KIF7: variants seen among roughly 807,000 people sequenced by gnomAD.
The protein encoded by KIF7 is kinesin-like protein KIF7.
In KIF7, 104 loss-of-function variants were observed where a neutral mutation model predicts 135.7. The observed-to-expected ratio is 0.77, with a 90% CI of 0.65 to 0.90. KIF7 has a LOEUF of 0.90. Among genes scored for constraint, KIF7 ranks in the 40% least tolerant of loss-of-function variants. The pLI, the probability that KIF7 is intolerant of heterozygous loss-of-function variation, is 0.00. For missense variants in KIF7, 2,005 were observed against 1,839.1 expected, an observed-to-expected ratio of 1.09 and a Z score of -1.65; for synonymous variants, 883 against 809.4, an observed-to-expected ratio of 1.09 and a Z score of -1.54.
intron 1 of KIF7, among the ~76,000 whole-genome samples, chr15:89,618,645 G>C (rs1178279645): frequency 6.6e-6 from 1 of 152,216 alleles, no homozygotes; most frequent in Non-Finnish European, 1.5e-5. Flanking sequence ...GCACATAGCA[G>C]GTGATCAGTA....
intron 1 of KIF7, among the ~76,000 whole-genome samples, chr15:89,621,856 C>T (rs184986588): frequency 6.6e-6 from 1 of 152,220 alleles, no homozygotes; most frequent in Admixed American, 6.5e-5. Context: ...GTGTGACACT[C>T]ATCTTTTCCG....
At chr15:89,625,901 G>A (rs1470780773), downstream of KIF7, 1 of 1,545,550 alleles carries the variant, frequency 6.5e-7, no homozygotes, top group African/African-American at 1.4e-5. Context: ...TTGGGGGTCT[G>A]GGGACGCTGC....
upstream of KIF7, among the ~76,000 whole-genome samples, chr15:89,655,751 C>T (rs1483042670): frequency 6.6e-6 from 1 of 152,246 alleles, no homozygotes; most frequent in Non-Finnish European, 1.5e-5. Flanking sequence ...CACTCCCAGT[C>T]CCAAACCACG....
At chr15:89,642,078 C>T in intron 11 of KIF7, 125 bp downstream of exon 11, 2 of 1,003,698 alleles carry the variant, frequency 2.0e-6, no homozygotes. Flanking sequence ...CCTGCAGGGC[C>T]AGGGCTGGAG....
intron 3 of KIF7, 109 bp downstream of exon 3, chr15:89,649,632 G>C: frequency 3.2e-6 from 4 of 1,263,634 alleles, no homozygotes; most frequent in Non-Finnish European, 4.4e-6. Flanking sequence ...CCCAGGGCTT[G>C]GGTTTTCCAT....
At chr15:89,622,044 T>C (rs796606226) in intron 1 of KIF7, among the ~76,000 whole-genome samples, 71 of 141,976 alleles carry the variant, frequency 5.0e-4, no homozygotes, top group African/African-American at 1.8e-3. Context: ...TGGAGTGCAG[T>C]GGCACGATCT....
chr15:89,625,774 G>A (rs758214359), downstream of KIF7: 8 of 1,602,520 alleles, frequency 5.0e-6, no homozygotes, highest in South Asian at 7.7e-5. Flanking sequence ...AGACGAAGAG[G>A]TGTTTGTTTC....
At chr15:89,634,735 C>T (rs972214134) in intron 11 of KIF7, among the ~76,000 whole-genome samples, 4 of 152,232 alleles carry the variant, frequency 2.6e-5, no homozygotes, top group African/African-American at 9.6e-5. Flanking sequence ...TGCAAGGTGG[C>T]AGCGAGGCTG....
intron 2 of KIF7, chr15:89,618,003 A>G (rs1298797649): frequency 8.6e-6 from 7 of 810,864 alleles, no homozygotes; most frequent in African/African-American, 1.7e-5. Context: ...CCCTCTTGAC[A>G]ATAATCACGT....
At chr15:89,633,938 A>G (rs1202949083) in intron 11 of KIF7, 55 bp from the exon 12 acceptor site, 10 of 1,592,358 alleles carry the variant, frequency 6.3e-6, no homozygotes, top group Middle Eastern at 1.7e-4. Flanking sequence ...CGAGCCTGCC[A>G]TAGTGCTGGG....
Position 89,642,298 on chromosome 15 carries a change from G to A in KIF7, c.2299C>T (p.Arg767Trp), listed in dbSNP as rs201091656. ...AELSEGQRQL[R>W]ELEGKELQDA... Reference sequence around the variant, plus strand: ...TGGAGCTCCTTGCCCTCGAGCTCCCGCAGCTGCCTCTGGCCTTCACTCAGC... The same window carrying A: ...TGGAGCTCCTTGCCCTCGAGCTCCCACAGCTGCCTCTGGCCTTCACTCAGC... The change falls in exon 11 of 19, where the codon CGG becomes TGG. Residue 767 changes from arginine (R) to tryptophan (W), a missense_variant. By Grantham distance (101) the Arg-to-Trp change is moderately radical. Transcript: ENST00000394412. The A allele has an allele frequency of 8.7e-6, 14 of 1,609,920 alleles. No individual in the cohort carries two copies. The East Asian group carries it at 1.6e-4, about 18-fold the overall frequency.
chr15:89,633,792 T>G lies in KIF7; in HGVS notation c.2486A>C (p.Gln829Pro), dbSNP rs768110060. 6.1e-5 allele frequency: 99 copies of G among 1,612,180 alleles called. No individual in the cohort carries two copies. The highest frequency in any genetic ancestry group is 8.1e-5 in the Non-Finnish European group (96 of 1,180,026). ...CTGTCCCTGCTGCTGCCGCATGAGC[T>G]GCACGTTCCGCTCGAGCTCCTGCAG... ...KRLQELERNV[Q>P]LMRQQQGQLQ... Residue 829 changes from glutamine to proline, a missense_variant, in exon 12 of 19, where the codon CAG becomes CCG. Transcript: ENST00000394412.
At chr15:89,635,518 T>C (rs1963787495) in intron 11 of KIF7, among the ~76,000 whole-genome samples, 1 of 152,150 alleles carries the variant, frequency 6.6e-6, no homozygotes, top group Non-Finnish European at 1.5e-5. Context: ...GCTCGAGAAC[T>C]ACGTGAAGAA....
chr15:89,631,065 G>T (rs1963663816), intron 15 of KIF7: 2 of 229,370 alleles, frequency 8.7e-6, no homozygotes, highest in South Asian at 1.4e-4. Context: ...GAGCACCATT[G>T]TTGTATGAGC....
downstream of KIF7, chr15:89,623,954 C>T (rs1963466471): frequency 1.2e-6 from 2 of 1,614,110 alleles, no homozygotes; most frequent in African/African-American, 1.3e-5. Context: ...TGGCCACATT[C>T]AGTGAATTCC....
At chr15:89,631,448 A>C in intron 15 of KIF7, 47 bp downstream of exon 15, 3 of 1,474,976 alleles carry the variant, frequency 2.0e-6, no homozygotes, top group Non-Finnish European at 2.8e-6. Context: ...GCAGACAGAC[A>C]GGCATACAAT....
At chr15:89,624,398 A>C, downstream of KIF7, 2 of 1,614,132 alleles carry the variant, frequency 1.2e-6, no homozygotes, top group Non-Finnish European at 1.7e-6. Flanking sequence ...ACTCCCCCTG[A>C]ACTCTCACAG....
At chr15:89,635,616 A>G (rs2142005803) in intron 11 of KIF7, among the ~76,000 whole-genome samples, 1 of 152,292 alleles carries the variant, frequency 6.6e-6, no homozygotes, top group African/African-American at 2.4e-5. Flanking sequence ...GCGAGAAGGG[A>G]AGTTTAGAGA....
intron 12 of KIF7, 123 bp from the exon 13 acceptor site, chr15:89,633,389 C>G: frequency 7.8e-7 from 1 of 1,274,986 alleles, no homozygotes; most frequent in Admixed American, 2.0e-5. Context: ...GAAGTGTCCC[C>G]CAGACCCATC....
Sources: gnomAD v4.1 joint callset for allele counts (sites outside exome capture counted in the v4.1 genomes callset) on GRCh38, gnomAD v4.1.1 for gene constraint, MANE v1.5 for transcripts, NCBI Gene and HGNC (gene_info 2026-07-23, HGNC 2026-07-21) for gene names.